Variants in SRPK3 observed in about 807,000 individuals in gnomAD.
SRPK3 encodes SFRS protein kinase 3.
In SRPK3, 26 loss-of-function variants were observed where a neutral mutation model predicts 45.3. The observed-to-expected ratio is 0.57, with a 90% CI of 0.42 to 0.80. The LOEUF (loss-of-function observed/expected upper bound fraction) is 0.80, where lower values mean the gene tolerates loss of function less well. Ranked by LOEUF, SRPK3 falls within the 30% of genes least tolerant of loss-of-function variation. The probability of loss-of-function intolerance (pLI) is 0.00; values close to 1 mark genes in which losing one functional copy is unlikely to be tolerated. For missense variants in SRPK3, 536 were observed against 514.5 expected (o/e 1.04, Z -0.40); for synonymous variants, 254 against 226.6 (o/e 1.12, Z -1.09).
intron 7 of SRPK3, 34 bp from the exon 8 acceptor site, chrX:153,783,192 G>GCCCCCCCCCCCCCCCCCC (rs781851056): frequency 2.1e-6 from 2 of 959,838 alleles, no homozygotes; most frequent in African/African-American, 2.0e-5. Context: ...GTTCCTCCCT[G>GCCCCCCCCCCCCCCCCCC]TCCCCCCCCA....
rs1557066910 is a variant in SRPK3 at position 153,781,631 on chromosome X, C to T, written c.299+18C>T. 10 of 1,205,825 alleles carry T rather than the reference C, an allele frequency of 8.3e-6. No homozygotes were observed. The highest frequency in any genetic ancestry group is 1.1e-5 in the Non-Finnish European group (10 of 891,747). On this transcript the variant is annotated intron_variant, in intron 3 of 14. Coordinates refer to ENST00000370101, the MANE Select transcript of SRPK3 (RefSeq NM_014370.4). ...GACATCCAGTGAGTGCCTCCTTCGCCTCCGGGGCCCAGCACTGGCTGGGAT... is the reference window on the plus strand; with the variant it reads ...GACATCCAGTGAGTGCCTCCTTCGCTTCCGGGGCCCAGCACTGGCTGGGAT...
Position 153,782,762 on chromosome X carries a change from C to G in SRPK3, c.476-10C>G, listed in dbSNP as rs782124795. On this transcript the variant is annotated splice_polypyrimidine_tract_variant and intron_variant, in intron 5 of 14. Coordinates refer to ENST00000370101, the MANE Select transcript of SRPK3 (RefSeq NM_014370.4). ...TGGTGTCCACTGGCCGCCCTTCACT[C>G]CCAGCCCAGATGTGTGCATGGTGCT... is the stretch of plus-strand genomic sequence containing the variant. The G allele has an allele frequency of 2.8e-5, 33 of 1,193,248 alleles. No individual in the cohort carries two copies. Among genetic ancestry groups the G allele is most frequent in the Non-Finnish European group, 7.9e-6 (7 of 884,365 alleles).
chrX:153,782,188 T>A lies in SRPK3; in HGVS notation c.455T>A (p.Ile152Asn). The A allele has an allele frequency of 8.3e-7, 1 of 1,208,902 alleles. No individual in the cohort carries two copies. Among genetic ancestry groups the A allele is most frequent in the Non-Finnish European group, 1.1e-6 (1 of 893,506 alleles). ...TIVQLIDDFR[I>N]SGVNGVHVCM... ...GTCCAGCTCATTGATGACTTCAGGA[T>A]CTCAGGAGTCAATGGAGTCCGTATC... Residue 152 changes from isoleucine (I) to asparagine (N), a missense_variant, in exon 5 of 15, where the codon ATC (isoleucine) becomes AAC (asparagine). Ile to Asn is a moderately radical substitution (Grantham distance 149). Transcript: ENST00000370101.
intron 2 of SRPK3, 50 bp downstream of exon 2, chrX:153,781,396 C>T (rs1482201701): frequency 8.5e-7 from 1 of 1,171,067 alleles, no homozygotes; most frequent in Non-Finnish European, 1.1e-6. Context: ...TGCAGGGACC[C>T]AGGGCAGTCC....
rs782397673 is a variant in SRPK3, at chrX:153,785,473, C to T, written c.1657C>T (p.Arg553Trp). ...LPMMEYIPEK[R>W]ASAADCLQHP... is the part of the protein sequence containing the mutation. ...CATGATGGAGTACATCCCCGAAAAG[C>T]GGGCCAGTGCCGCTGACTGCCTCCA... The change falls in exon 15 of 15, where the codon CGG becomes TGG. Residue 553 changes from arginine (R) to tryptophan (W), a missense_variant. Physicochemically the swap from Arg to Trp is moderately radical, Grantham distance 101 (BLOSUM62 -3). Transcript: ENST00000370101. 5 of 1,210,343 alleles carry T rather than the reference C, an allele frequency of 4.1e-6. No homozygotes were observed. Among genetic ancestry groups the T allele is most frequent in the East Asian group, 3.0e-5 (1 of 33,813 alleles).
intron 2 of SRPK3, 25 bp downstream of exon 2, chrX:153,781,371 C>A: frequency 8.5e-7 from 1 of 1,175,103 alleles, no homozygotes; most frequent in Non-Finnish European, 1.1e-6. Flanking sequence ...TGGGGACATG[C>A]GGCCTCACGG....
At chrX:153,781,167 C>A (rs782363108) in intron 1 of SRPK3, 22 bp downstream of exon 1, 1 of 1,178,186 alleles carries the variant, frequency 8.5e-7, no homozygotes, top group African/African-American at 1.8e-5. Context: ...CTGGGGCACC[C>A]GGAGCCCCTG....
At chrX:153,781,958 TG>T (rs2092054962) in intron 4 of SRPK3, 128 bp downstream of exon 4, 2 of 934,143 alleles carry the variant, frequency 2.1e-6, no homozygotes, top group East Asian at 6.2e-5. Context: ...TCCAGCTGGC[TG>T]TGCCCAAGGG....
Position 153,785,700 on chromosome X carries a change from G to A in SRPK3, c.*180G>A, listed in dbSNP as rs1300099751. 10 of 785,788 alleles carry A rather than the reference G, an allele frequency of 1.3e-5. No individual in the cohort carries two copies. Among genetic ancestry groups the A allele is most frequent in the African/African-American group, 1.0e-4 (5 of 48,278 alleles). The allele number at this position is 785,788 out of a possible 1,213,427, so 64.8% of individuals were successfully genotyped here. A position where few individuals can be genotyped will look rare whatever the true frequency, so the allele number is the denominator to read the frequency against. ...GTGAGGGCTCTCGGAGAAAGTGTGT[G>A]TATTCCTTTCTTAATAAAGTGTGGA... On this transcript the variant is annotated 3_prime_UTR_variant, in exon 15 of 15. Transcript: ENST00000370101.
rs782144073 is a variant in SRPK3, at chrX:153,784,233, G to A, written c.1147+20G>A. The A allele has an allele frequency of 2.5e-6, 3 of 1,211,028 alleles. No homozygotes were observed. The highest frequency in any genetic ancestry group is 3.0e-5 in the East Asian group (1 of 33,844). ...CTAGCAGTAAGTTGGGTGGCAAGTG[G>A]TGGGCAGGCAGGGCTGGCAGTAGTC... On this transcript the variant is annotated intron_variant, in intron 10 of 14. Transcript: ENST00000370101.
chrX:153,782,370 G>A (rs782071535), intron 5 of SRPK3, among the ~76,000 whole-genome samples, 162 bp downstream of exon 5: 5 of 112,924 alleles, frequency 4.4e-5, no homozygotes, highest in South Asian at 3.7e-4. Flanking sequence ...CTGTGTTTAC[G>A]TGGAGGCAGT....
intron 11 of SRPK3, 27 bp from the exon 12 acceptor site, chrX:153,784,723 C>G (rs781882688): frequency 8.6e-7 from 1 of 1,167,419 alleles, no homozygotes; most frequent in African/African-American, 1.7e-5. Context: ...GGCCCCAGCC[C>G]GTCCCCAGGG....
rs4898443 is a variant in SRPK3 at position 153,784,032 on chromosome X, C to T, written c.966C>T (p.Pro322=). ...SGSTSSSGCH[P]GGARAGPSPA... ...CCACATCCTCTTCAGGCTGTCACCC[C>T]GGGGGCGCCAGAGCAGGTCCCTCCC... The change falls in exon 10 of 15, where the codon CCC becomes CCT. Residue 322 remains proline, a synonymous_variant. Coordinates refer to ENST00000370101, the MANE Select transcript of SRPK3 (RefSeq NM_014370.4). The T allele has an allele frequency of 2.1e-3, 2,492 of 1,206,634 alleles. 64 individuals are homozygous for T. In the Admixed American group the frequency reaches 0.048, roughly 23 times the overall value.
At chrX:153,781,721 T>C (rs1557066941) in intron 3 of SRPK3, 22 bp from the exon 4 acceptor site, 1 of 1,210,356 alleles carries the variant, frequency 8.3e-7, no homozygotes, top group Admixed American at 2.2e-5. Flanking sequence ...GGCCACAGCC[T>C]ACAAGGGTCT....
At chrX:153,783,192 G>GCCCCCC in intron 7 of SRPK3, 34 bp from the exon 8 acceptor site, 1 of 964,948 alleles carries the variant, frequency 1.0e-6, no homozygotes, top group Non-Finnish European at 1.4e-6. Context: ...GTTCCTCCCT[G>GCCCCCC]TCCCCCCCCA....
Position 153,782,895 on chromosome X carries a change from G to A in SRPK3, c.582+17G>A, listed in dbSNP as rs2092059882. ...GTGAGGCAGGTGAGTGCCACCCACT[G>A]GGCTGCCCAGCCTGGCCTGGGCGGG... On this transcript the variant is annotated intron_variant, in intron 6 of 14. Coordinates refer to ENST00000370101, the MANE Select transcript of SRPK3 (RefSeq NM_014370.4). 1.7e-6 allele frequency: 2 copies of A among 1,203,962 alleles called. No homozygotes were observed.
chrX:153,784,825 C>A lies in SRPK3; in HGVS notation c.1324C>A (p.Pro442Thr). The change falls in exon 12 of 15, where the codon CCC becomes ACC. Residue 442 changes from proline to threonine, a missense_variant. Physicochemically the swap from Pro to Thr is conservative, Grantham distance 38. Coordinates refer to ENST00000370101, the MANE Select transcript of SRPK3 (RefSeq NM_014370.4). Reference sequence around the variant, plus strand: ...GGTGCTGATCGGCGCCGAATACGGCCCCCCGGCAGACATCTGGAGCACAGC... The same window carrying A: ...GGTGCTGATCGGCGCCGAATACGGCACCCCGGCAGACATCTGGAGCACAGC... The part of the protein sequence containing the change: ...VEVLIGAEYG[P>T]PADIWSTACM... 1.7e-6 allele frequency: 2 copies of A among 1,211,429 alleles called. No homozygotes were observed. The highest frequency in any genetic ancestry group is 2.2e-5 in the Admixed American group (1 of 46,177).
intron 13 of SRPK3, 27 bp from the exon 14 acceptor site, chrX:153,785,054 C>A: frequency 8.3e-7 from 1 of 1,210,874 alleles, no homozygotes; most frequent in Non-Finnish European, 1.1e-6. Context: ...GGCCTGCCTG[C>A]CCCCAACCTC....
intron 8 of SRPK3, 25 bp from the exon 9 acceptor site, chrX:153,783,727 C>G (rs1557067774): frequency 3.3e-6 from 4 of 1,208,342 alleles, no homozygotes; most frequent in Non-Finnish European, 4.5e-6. Context: ...CGACAGGAAC[C>G]CTGGGGTGAC....
Sources: allele counts gnomAD v4.1 joint callset (sites outside exome capture counted in the v4.1 genomes callset), GRCh38; gene constraint gnomAD v4.1.1; transcripts MANE v1.5; gene names NCBI Gene and HGNC (gene_info 2026-07-23, HGNC 2026-07-21).